PLCE1: variants seen among roughly 807,000 people sequenced by gnomAD.
PLCE1 encodes the protein 1-phosphatidylinositol 4,5-bisphosphate phosphodiesterase epsilon-1.
A neutral mutation model predicts 242.8 loss-of-function variants in PLCE1; 119 were observed. The observed-to-expected ratio is 0.49, with a 90% CI of 0.42 to 0.57. PLCE1 has a LOEUF of 0.57. Among genes scored for constraint, PLCE1 ranks in the 20% least tolerant of loss-of-function variants. PLCE1 has a pLI of 0.00. For synonymous variants in PLCE1, 945 were observed against 1,017.4 expected, an observed-to-expected ratio of 0.93 and a Z score of 1.35; for missense variants, 2,441 against 2,788.8, an observed-to-expected ratio of 0.88 and a Z score of 2.81.
chr10:94,010,009 T>A (rs2061136254), intron 1 of PLCE1, among the ~76,000 whole-genome samples: 1 of 152,230 alleles, frequency 6.6e-6, no homozygotes. Context: ...ACCCCACATT[T>A]TCCTTTGGCA....
At chr10:94,060,437 A>G (rs1228050583) in intron 2 of PLCE1, among the ~76,000 whole-genome samples, 1 of 152,158 alleles carries the variant, frequency 6.6e-6, no homozygotes, top group East Asian at 1.9e-4. Flanking sequence ...AGGTATGAAA[A>G]ATAAAAGAGT....
chr10:94,289,299 G>A (rs925895526), intron 22 of PLCE1, among the ~76,000 whole-genome samples: 2 of 152,132 alleles, frequency 1.3e-5, no homozygotes, highest in Admixed American at 1.3e-4. Flanking sequence ...GACCCTGAGT[G>A]GCTCTCGGAC....
chr10:94,022,297 C>G (rs2061387677), intron 1 of PLCE1, among the ~76,000 whole-genome samples: 1 of 151,820 alleles, frequency 6.6e-6, no homozygotes, highest in African/African-American at 2.4e-5. Flanking sequence ...AAGACCACCA[C>G]TAACATAAAA....
chr10:94,220,270 G>A (rs1309867987), intron 4 of PLCE1, among the ~76,000 whole-genome samples: 1 of 150,364 alleles, frequency 6.7e-6, no homozygotes, highest in Non-Finnish European at 1.5e-5. Flanking sequence ...GCATGCACCT[G>A]TAGTACCAGC....
chr10:94,056,934 T>A (rs975584426), intron 2 of PLCE1, among the ~76,000 whole-genome samples: 2 of 151,876 alleles, frequency 1.3e-5, no homozygotes, highest in Non-Finnish European at 1.5e-5. Flanking sequence ...CGTTTTTCAC[T>A]TAGTGTAATG....
Position 94,135,429 on chromosome 10 carries a change from T to C in PLCE1, c.1492+2970T>C, listed in dbSNP as rs1010660184. Among the ~76,000 whole-genome samples, 13 of 152,310 alleles carry C rather than the reference T, an allele frequency of 8.5e-5. No individual in the cohort carries two copies. The South Asian group carries it at 1.7e-3, about 19-fold the overall frequency. On this transcript the variant is annotated intron_variant, in intron 3 of 32. Coordinates refer to ENST00000371380, the MANE Select transcript of PLCE1 (RefSeq NM_016341.4). The stretch of plus-strand genomic sequence containing the variant: ...GCTGTGATGTGGTTGTGAGCTTTTT[T>C]TTCTTCTTTAGTATGTGTCCTGTGG...
intron 30 of PLCE1, among the ~76,000 whole-genome samples, chr10:94,323,780 A>G (rs1233839266): frequency 6.6e-6 from 1 of 152,232 alleles, no homozygotes; most frequent in Non-Finnish European, 1.5e-5. Flanking sequence ...TGTCTCCCCT[A>G]AAAGTACAGC....
intron 2 of PLCE1, among the ~76,000 whole-genome samples, chr10:94,112,554 A>T (rs2045987086): frequency 6.6e-6 from 1 of 152,228 alleles, no homozygotes; most frequent in Non-Finnish European, 1.5e-5. Context: ...GATTGTTTCC[A>T]TTGGAACAAG....
intron 3 of PLCE1, among the ~76,000 whole-genome samples, chr10:94,170,358 G>A (rs923235026): frequency 3.3e-5 from 5 of 152,210 alleles, no homozygotes; most frequent in African/African-American, 4.8e-5. Context: ...CAGGTAAGAA[G>A]TTAAGAGGCA....
chr10:94,265,913 G>T lies in PLCE1; in HGVS notation c.4236G>T (p.Thr1412=). 1 of 1,613,892 alleles carries T rather than the reference G, an allele frequency of 6.2e-7. No homozygotes were observed. The highest frequency in any genetic ancestry group is 1.1e-5 in the South Asian group (1 of 91,060). ...YIESSHNTYL[T]GHQLKGESSV... is the part of the protein sequence containing the mutation. ...AATCTTCGCACAATACCTACCTCACGGGCCATCAGCTCAAAGGAGAATCCT... is the reference window on the plus strand; with the variant it reads ...AATCTTCGCACAATACCTACCTCACTGGCCATCAGCTCAAAGGAGAATCCT... Residue 1412 remains threonine, a synonymous_variant, in exon 16 of 33, where the codon ACG becomes ACT. Transcript: ENST00000371380.
intron 32 of PLCE1, among the ~76,000 whole-genome samples, chr10:94,327,007 C>A: frequency 2.0e-5 from 3 of 151,398 alleles, no homozygotes; most frequent in Non-Finnish European, 4.4e-5. Context: ...AAAAATACAA[C>A]AACAGTTAGC....
chr10:94,013,179 C>G (rs1008378737), intron 1 of PLCE1, among the ~76,000 whole-genome samples: 1 of 152,142 alleles, frequency 6.6e-6, no homozygotes, highest in Non-Finnish European at 1.5e-5. Context: ...TATTTGAGCC[C>G]CTTAGTAAGA....
rs2061551225 is a variant in PLCE1, at chr10:94,031,267, C to T, written c.221C>T (p.Ser74Leu). The change falls in exon 2 of 33, where the codon TCA becomes TTA. Residue 74 changes from serine to leucine, a missense_variant. Around this residue, in one of 5 missense-constraint regions of PLCE1, gnomAD observed 393 missense variants for 378.5 expected, o/e 1.04. Transcript: ENST00000371380. Reference sequence around the variant, plus strand: ...GGAAGCAACTTGCCAAAGATTCTCTCAATAGCGAGGGAGAAAATAGTGAGT... The same window carrying T: ...GGAAGCAACTTGCCAAAGATTCTCTTAATAGCGAGGGAGAAAATAGTGAGT... ...PSGSNLPKILSIAREKIVSDE... is the reference protein window; with the variant it reads ...PSGSNLPKILLIAREKIVSDE... The T allele has an allele frequency of 1.2e-6, 2 of 1,613,792 alleles. No homozygotes were observed. Among genetic ancestry groups the T allele is most frequent in the African/African-American group, 1.3e-5 (1 of 75,016 alleles).
intron 32 of PLCE1, among the ~76,000 whole-genome samples, chr10:94,326,822 C>T (rs916406824): frequency 6.6e-6 from 1 of 152,022 alleles, no homozygotes; most frequent in African/African-American, 2.4e-5. Flanking sequence ...TCTAAGCAAG[C>T]AGATATTTAG....
intron 2 of PLCE1, among the ~76,000 whole-genome samples, chr10:94,070,103 A>G (rs979053811): frequency 4.0e-4 from 61 of 152,228 alleles, no homozygotes; most frequent in Non-Finnish European, 7.3e-5. Flanking sequence ...CCCTACAGCC[A>G]CAGGCATATA....
At chr10:94,184,176 C>T (rs1328739810) in intron 4 of PLCE1, among the ~76,000 whole-genome samples, 1 of 152,180 alleles carries the variant, frequency 6.6e-6, no homozygotes, top group Admixed American at 6.5e-5. Flanking sequence ...ATAATCCATT[C>T]TCCACCCAAC....
At chr10:94,254,400 G>A in intron 10 of PLCE1, 93 bp downstream of exon 10, 2 of 870,218 alleles carry the variant, frequency 2.3e-6, no homozygotes, top group Admixed American at 1.8e-5. Context: ...TTTAAGCATT[G>A]CAAACATTTC....
chr10:94,045,176 A>T (rs7070101), intron 2 of PLCE1, among the ~76,000 whole-genome samples: 4,505 of 151,832 alleles, frequency 0.03, 217 homozygotes, highest in African/African-American at 0.1. Flanking sequence ...AATTAAAAAA[A>T]TTTTTTTTGT....
chr10:94,322,165 C>A, intron 30 of PLCE1, 106 bp downstream of exon 30: 1 of 1,062,606 alleles, frequency 9.4e-7, no homozygotes, highest in Non-Finnish European at 1.4e-6. Context: ...TCCTCAACAA[C>A]AGGGACCTCA....
Sources: allele counts gnomAD v4.1 joint callset (sites outside exome capture counted in the v4.1 genomes callset), GRCh38; gene constraint gnomAD v4.1.1; regional missense constraint gnomAD v4.1.1; transcripts MANE v1.5; gene names NCBI Gene and HGNC (gene_info 2026-07-23, HGNC 2026-07-21).